COL23A1: variants seen among roughly 807,000 people sequenced by gnomAD.
The protein encoded by COL23A1 is collagen type XXIII alpha 1 chain.
A neutral mutation model predicts 99.3 loss-of-function variants in COL23A1; 97 were observed. That is an observed-to-expected ratio of 0.98 (90% confidence interval 0.83 to 1.16). The LOEUF is 1.16. Ranked by LOEUF, COL23A1 falls within the 50% of genes most tolerant of loss-of-function variation. The pLI, the probability that COL23A1 is intolerant of heterozygous loss-of-function variation, is 0.00. For missense variants in COL23A1, 762 were observed against 757.4 expected, an observed-to-expected ratio of 1.01 and a Z score of -0.07; for synonymous variants, 320 against 308.2, an observed-to-expected ratio of 1.04 and a Z score of -0.40.
intron 2 of COL23A1, among the ~76,000 whole-genome samples, chr5:178,495,227 T>C (rs550275346): frequency 2.5e-4 from 38 of 152,212 alleles, no homozygotes; most frequent in Non-Finnish European, 4.3e-4. Flanking sequence ...CCGGTGTGGC[T>C]GAGATGTCAG....
intron 5 of COL23A1, among the ~76,000 whole-genome samples, chr5:178,279,718 C>A (rs763048977): frequency 3.9e-5 from 6 of 152,182 alleles, no homozygotes; most frequent in Non-Finnish European, 8.8e-5. Flanking sequence ...TCCCCCTACG[C>A]CCTTACCATC....
chr5:178,484,936 A>G (rs1436416439), intron 2 of COL23A1, among the ~76,000 whole-genome samples: 1 of 152,000 alleles, frequency 6.6e-6, no homozygotes, highest in Non-Finnish European at 1.5e-5. Context: ...TGTCCCTTAG[A>G]TGTTAGGTTC....
intron 2 of COL23A1, among the ~76,000 whole-genome samples, chr5:178,447,272 T>C (rs1194017077): frequency 6.6e-6 from 1 of 151,978 alleles, no homozygotes; most frequent in Non-Finnish European, 1.5e-5. Context: ...TTTTGTATTT[T>C]TAGTAGAGAT....
At chr5:178,577,809 T>C (rs1763458690) in intron 1 of COL23A1, among the ~76,000 whole-genome samples, 2 of 152,210 alleles carry the variant, frequency 1.3e-5, no homozygotes, top group Non-Finnish European at 2.9e-5. Context: ...AACCAACTTG[T>C]CCCAGGACGC....
intron 2 of COL23A1, among the ~76,000 whole-genome samples, chr5:178,508,594 C>G (rs1057079974): frequency 2.4e-4 from 36 of 152,270 alleles, no homozygotes; most frequent in African/African-American, 8.4e-4. Flanking sequence ...TGTTGATATC[C>G]AAAGAAGAAA....
rs1004101198 is a variant in COL23A1, at chr5:178,307,252, C to T, written c.362-333G>A. The stretch of plus-strand genomic sequence containing the variant: ...CCATGGGAGGCTCCTGAGGCAGATG[C>T]GTTTGCAGCTGAGAAACTTCAGACT... On this transcript the variant is annotated intron_variant, in intron 2 of 28. Transcript: ENST00000390654. This position sits in a 1 kb window ranked among gnomAD's most constrained non-coding sequence, Gnocchi z 4.2. 6.6e-6 allele frequency among the ~76,000 whole-genome samples: 1 copy of T among 152,208 alleles called. No homozygotes were observed. Among genetic ancestry groups the T allele is most frequent in the East Asian group, 1.9e-4 (1 of 5,196 alleles).
intron 2 of COL23A1, among the ~76,000 whole-genome samples, chr5:178,483,727 C>T (rs1009905855): frequency 2.6e-5 from 4 of 152,214 alleles, no homozygotes; most frequent in Non-Finnish European, 4.4e-5. Flanking sequence ...TTTCTCCCTC[C>T]AGTATTAGGT....
intron 2 of COL23A1, among the ~76,000 whole-genome samples, chr5:178,409,014 A>ATG (rs1561946105): frequency 1.4e-5 from 2 of 145,994 alleles, no homozygotes; most frequent in Non-Finnish European, 3.0e-5. Context: ...ACACACACAC[A>ATG]CACACACATC....
At chr5:178,262,300 T>G in intron 9 of COL23A1, 48 bp from the exon 10 acceptor site, 1 of 1,551,998 alleles carries the variant, frequency 6.4e-7, no homozygotes, top group Non-Finnish European at 8.7e-7. Context: ...GATGTCACAT[T>G]GAACTGAGCC....
At chr5:178,577,654 G>C (rs1043697872) in intron 1 of COL23A1, among the ~76,000 whole-genome samples, 3 of 152,248 alleles carry the variant, frequency 2.0e-5, no homozygotes, top group African/African-American at 4.8e-5. Flanking sequence ...GCCCAGACCA[G>C]AGCGAGTGTC....
intron 2 of COL23A1, among the ~76,000 whole-genome samples, chr5:178,363,595 A>G (rs151138341): frequency 4.7e-4 from 71 of 152,278 alleles, no homozygotes; most frequent in African/African-American, 1.7e-3. Context: ...GTCAGCACCC[A>G]TATGAAGTCC....
chr5:178,549,036 C>A (rs1249953446), intron 2 of COL23A1, among the ~76,000 whole-genome samples: 1 of 151,132 alleles, frequency 6.6e-6, no homozygotes, highest in Admixed American at 6.6e-5. Context: ...CGCTCTGTTG[C>A]CCAGGCTGGA....
intron 2 of COL23A1, among the ~76,000 whole-genome samples, chr5:178,344,509 C>T (rs1760851307): frequency 6.6e-6 from 1 of 152,108 alleles, no homozygotes. Context: ...TGGTGGCGTG[C>T]CCTTGTAGTC....
At chr5:178,269,546 T>C (rs1345596429) in intron 6 of COL23A1, among the ~76,000 whole-genome samples, 1 of 80,454 alleles carries the variant, frequency 1.2e-5, no homozygotes, top group African/African-American at 5.1e-5. Context: ...TATCCACCCA[T>C]CCATCATCCA....
At chr5:178,243,191 A>G (rs997764434) in intron 25 of COL23A1, among the ~76,000 whole-genome samples, 2 of 96,836 alleles carry the variant, frequency 2.1e-5, no homozygotes, top group Non-Finnish European at 4.8e-5. Flanking sequence ...CTCTGTCTCA[A>G]AAAACAAACA....
chr5:178,286,130 C>G (rs1757138111), intron 5 of COL23A1, among the ~76,000 whole-genome samples: 1 of 152,210 alleles, frequency 6.6e-6, no homozygotes. Flanking sequence ...GGCTGGGCGA[C>G]CTCAGGAAGA....
At chr5:178,444,749 T>C (rs1483024855) in intron 2 of COL23A1, among the ~76,000 whole-genome samples, 1 of 152,188 alleles carries the variant, frequency 6.6e-6, no homozygotes, top group Non-Finnish European at 1.5e-5. Flanking sequence ...TGAGCTGAGA[T>C]GGCGCCACTG....
Position 178,439,523 on chromosome 5 carries a change from T to A in COL23A1, c.361+121159A>T, listed in dbSNP as rs1240057747. The A allele has an allele frequency of 6.6e-6, 1 of 152,200 alleles. No homozygotes were observed. Among genetic ancestry groups the A allele is most frequent in the East Asian group, 1.9e-4 (1 of 5,184 alleles). 9.4% of individuals were successfully genotyped at this position (152,200 alleles called of 1,614,324 possible). A position where few individuals can be genotyped will look rare whatever the true frequency, so the allele number is the denominator to read the frequency against. On this transcript the variant is annotated intron_variant, in intron 2 of 28. Transcript: ENST00000390654. This position sits in a 1 kb window ranked among gnomAD's most constrained non-coding sequence, Gnocchi z 4.2. ...CCTCACCCGGCAGCTGGAGGAATCT[T>A]CTGAAGAGCAAGTCTCATCACATCT...
At chr5:178,501,435 G>A (rs1758527113) in intron 2 of COL23A1, among the ~76,000 whole-genome samples, 1 of 152,128 alleles carries the variant, frequency 6.6e-6, no homozygotes. Context: ...CAAAAAATTA[G>A]CCAGGCATGG....
Sources: gnomAD v4.1 joint callset for allele counts (sites outside exome capture counted in the v4.1 genomes callset) on GRCh38, gnomAD v4.1.1 for gene constraint, Gnocchi (gnomAD v3.1) non-coding constraint, MANE v1.5 for transcripts, NCBI Gene and HGNC (gene_info 2026-07-23, HGNC 2026-07-21) for gene names.